The following GALNT17 variants were observed in gnomAD, a reference collection of about 807,000 sequenced individuals.
The protein encoded by GALNT17 is UDP-GalNAc:polypeptide N-acetylgalactosaminyltransferase-like 3.
GALNT17 carries 29 observed loss-of-function variants against 63.7 expected under a neutral mutation model. The observed-to-expected ratio is 0.46, with a 90% CI of 0.34 to 0.62. The LOEUF is 0.62. Among genes scored for constraint, GALNT17 ranks in the 20% least tolerant of loss-of-function variants. The pLI, the probability that GALNT17 is intolerant of heterozygous loss-of-function variation, is 0.01. For missense variants in GALNT17, 603 were observed against 799.6 expected (o/e 0.75, Z 2.97); for synonymous variants, 305 against 318.3 (o/e 0.96, Z 0.45).
intron 9 of GALNT17, among the ~76,000 whole-genome samples, chr7:71,692,648 A>G (rs930386369): frequency 1.3e-5 from 2 of 152,194 alleles, no homozygotes; most frequent in Non-Finnish European, 2.9e-5. Context: ...ACACATACAC[A>G]TACACATAAA....
Position 71,542,695 on chromosome 7 carries a change from CAAAAA to C in GALNT17, c.963-28578_963-28574del, listed in dbSNP as rs10664146. ...TGAGCGACAGAGTGAGACTCCCTGTCAAAAAAAAAAAAAAAAGATAACGATAATCT... is the reference window on the plus strand; with the variant it reads ...TGAGCGACAGAGTGAGACTCCCTGTCAAAAAAAAAAAGATAACGATAATCT... On this transcript the variant is annotated intron_variant, in intron 5 of 10. Transcript: ENST00000333538. 3.3e-5 allele frequency among the ~76,000 whole-genome samples: 4 copies of C among 120,412 alleles called. No homozygotes were observed. The East Asian group carries it at 7.5e-4, about 23-fold the overall frequency. The allele number at this position is 120,412 out of a possible 152,430, so 79.0% of individuals were successfully genotyped here.
At position 71,462,144 on chromosome 7, in the gene GALNT17, C is replaced by G. The variant is rs549801002; in HGVS notation, c.962+41039C>G. The stretch of plus-strand genomic sequence containing the variant: ...AGCCACCCAGAGTCCTCCCTGGAGC[C>G]CTTGCCTGGTGGGGCACTGTGGGGT... On this transcript the variant is annotated intron_variant, in intron 5 of 10. Coordinates refer to ENST00000333538, the MANE Select transcript of GALNT17 (RefSeq NM_022479.3). 6.2e-4 allele frequency among the ~76,000 whole-genome samples: 95 copies of G among 152,266 alleles called. 3 individuals are homozygous for G. In the South Asian group the frequency reaches 0.019, roughly 31 times the overall value.
intron 5 of GALNT17, among the ~76,000 whole-genome samples, chr7:71,543,611 G>A (rs1788929550): frequency 6.6e-6 from 1 of 151,980 alleles, no homozygotes; most frequent in South Asian, 2.1e-4. Context: ...AGCTCATTCT[G>A]TGCAAAATCC....
intron 3 of GALNT17, among the ~76,000 whole-genome samples, chr7:71,411,641 G>A (rs1793431861): frequency 6.6e-6 from 1 of 152,094 alleles, no homozygotes; most frequent in Non-Finnish European, 1.5e-5. Context: ...AGGCTTCCTG[G>A]AAGTCCCTCT....
intron 6 of GALNT17, among the ~76,000 whole-genome samples, chr7:71,639,252 A>T (rs945901585): frequency 2.6e-5 from 4 of 152,200 alleles, no homozygotes; most frequent in Non-Finnish European, 4.4e-5. Flanking sequence ...TTTGTTTGAA[A>T]AAAAAGGAGT....
rs140576522 is a variant in GALNT17, at chr7:71,612,041, A to G, written c.1080+40639A>G. Among the ~76,000 whole-genome samples the G allele has an allele frequency of 5.9e-3, 894 of 152,298 alleles. 7 individuals carry two copies. The highest frequency in any genetic ancestry group is 0.02 in the African/African-American group (828 of 41,576). On this transcript the variant is annotated intron_variant, in intron 6 of 10. Transcript: ENST00000333538. ...GAAGCAATCGGCATCATTCAGGCCA[A>G]AATAGATGTCTTTGTTCTTTTTGTT...
chr7:71,353,376 C>T (rs1397241438), intron 2 of GALNT17, among the ~76,000 whole-genome samples: 2 of 152,162 alleles, frequency 1.3e-5, no homozygotes, highest in South Asian at 2.1e-4. Flanking sequence ...TACATAACCA[C>T]AGGACAATAT....
chr7:71,350,502 A>C (rs1792170986), intron 2 of GALNT17, among the ~76,000 whole-genome samples: 1 of 152,192 alleles, frequency 6.6e-6, no homozygotes, highest in Non-Finnish European at 1.5e-5. Context: ...AAATACTAGA[A>C]AAAAAATAAA....
chr7:71,591,400 G>T (rs999136273), intron 6 of GALNT17, among the ~76,000 whole-genome samples: 10 of 151,900 alleles, frequency 6.6e-5, no homozygotes, highest in Non-Finnish European at 8.8e-5. Flanking sequence ...CAGCTGTAAG[G>T]GTCCCGAATT....
At chr7:71,412,884 A>T (rs1290453998) in intron 3 of GALNT17, among the ~76,000 whole-genome samples, 1 of 152,040 alleles carries the variant, frequency 6.6e-6, no homozygotes, top group Non-Finnish European at 1.5e-5. Context: ...CTCCACTAAA[A>T]ATACAAAAAT....
At chr7:71,696,203 C>G (rs544414224) in intron 9 of GALNT17, among the ~76,000 whole-genome samples, 2 of 152,238 alleles carry the variant, frequency 1.3e-5, no homozygotes, top group Admixed American at 6.5e-5. Flanking sequence ...GCCTTAAGTT[C>G]CTGGGCTCAA....
At chr7:71,349,124 C>G (rs1340155600) in intron 2 of GALNT17, among the ~76,000 whole-genome samples, 1 of 152,184 alleles carries the variant, frequency 6.6e-6, no homozygotes, top group African/African-American at 2.4e-5. Context: ...GAGGCAAATG[C>G]CTTTGCAATC....
intron 1 of GALNT17, among the ~76,000 whole-genome samples, chr7:71,186,681 T>G (rs1252102308): frequency 3.3e-5 from 5 of 152,216 alleles, no homozygotes; most frequent in African/African-American, 1.2e-4. Context: ...CTCACTATTA[T>G]GAAAACTGTA....
intron 1 of GALNT17, chr7:71,300,308 A>G (rs1791171512): frequency 2.7e-6 from 1 of 369,810 alleles, no homozygotes; most frequent in South Asian, 2.0e-5. Context: ...CTGGGCTTGA[A>G]GCTCTTCTTT....
chr7:71,426,102 C>T (rs1320538451), intron 5 of GALNT17, among the ~76,000 whole-genome samples: 1 of 152,178 alleles, frequency 6.6e-6, no homozygotes, highest in African/African-American at 2.4e-5. Context: ...CCTCATGATC[C>T]AATCACCTCC....
At chr7:71,174,400 G>C (rs902628063) in intron 1 of GALNT17, among the ~76,000 whole-genome samples, 1 of 152,168 alleles carries the variant, frequency 6.6e-6, no homozygotes, top group African/African-American at 2.4e-5. Context: ...GGACCTGTGG[G>C]GAAGGTGGTT....
At chr7:71,375,429 C>G (rs1792703399) in intron 2 of GALNT17, among the ~76,000 whole-genome samples, 2 of 151,448 alleles carry the variant, frequency 1.3e-5, no homozygotes, top group African/African-American at 4.8e-5. Flanking sequence ...GGTTTTATGG[C>G]CTTCAGAGAT....
rs568150112 is a variant in GALNT17, at chr7:71,471,996, C to T, written c.962+50891C>T. Among the ~76,000 whole-genome samples, 104 of 151,798 alleles carry T rather than the reference C, an allele frequency of 6.9e-4. 1 individual carries two copies. Among genetic ancestry groups the T allele is most frequent in the Middle Eastern group, 3.4e-3 (1 of 294 alleles). On this transcript the variant is annotated intron_variant, in intron 5 of 10. Coordinates refer to ENST00000333538, the MANE Select transcript of GALNT17 (RefSeq NM_022479.3). Reference sequence around the variant, plus strand: ...GGCTGCTGTAACAAAATAACATATACCGGGTGGCTTATAAACAACAAAAAT... The same window carrying T: ...GGCTGCTGTAACAAAATAACATATATCGGGTGGCTTATAAACAACAAAAAT...
At chr7:71,222,253 G>C (rs1047256132) in intron 1 of GALNT17, among the ~76,000 whole-genome samples, 7 of 151,896 alleles carry the variant, frequency 4.6e-5, no homozygotes, top group African/African-American at 1.7e-4. Flanking sequence ...CTTATTTTCT[G>C]TTCCCAAATC....
Sources: gnomAD v4.1 joint callset for allele counts (sites outside exome capture counted in the v4.1 genomes callset) on GRCh38, gnomAD v4.1.1 for gene constraint, MANE v1.5 for transcripts, NCBI Gene and HGNC (gene_info 2026-07-23, HGNC 2026-07-21) for gene names.